The following CALCR variants were observed in gnomAD, a reference collection of about 807,000 sequenced individuals.
CALCR encodes calcitonin receptor.
In CALCR, 47 loss-of-function variants were observed where a neutral mutation model predicts 59.5. That is an observed-to-expected ratio of 0.79 (90% CI 0.63 to 1.01). The LOEUF is 1.01. Among genes scored for constraint, CALCR ranks in the 50% least tolerant of loss-of-function variants. The pLI is 0.00. For missense variants in CALCR, 566 were observed against 597.1 expected, an observed-to-expected ratio of 0.95 and a Z score of 0.54; for synonymous variants, 213 against 211.3, an observed-to-expected ratio of 1.01 and a Z score of -0.07.
chr7:93,493,318 C>T (rs1181224448), intron 2 of CALCR, among the ~76,000 whole-genome samples: 2 of 151,402 alleles, frequency 1.3e-5, no homozygotes, highest in East Asian at 1.9e-4. Flanking sequence ...TTTCTCTGTC[C>T]ATTTTCTTGC....
chr7:93,505,910 A>G (rs1454860450), intron 2 of CALCR, among the ~76,000 whole-genome samples: 2 of 152,136 alleles, frequency 1.3e-5, no homozygotes, highest in South Asian at 2.1e-4. Context: ...CAAAGACTCT[A>G]TTTGCATAAT....
rs1253946309 is a variant in CALCR at position 93,481,510 on chromosome 7, A to G, written c.52-2003T>C. 2.0e-5 allele frequency among the ~76,000 whole-genome samples: 3 copies of G among 150,922 alleles called. 1 individual carries two copies. The highest frequency in any genetic ancestry group is 4.4e-5 in the Non-Finnish European group (3 of 67,726). On this transcript the variant is annotated intron_variant, in intron 3 of 13. Coordinates refer to ENST00000426151, the MANE Select transcript of CALCR (RefSeq NM_001742.4). ...GATAATTAGCCTAGATATTTGGGGA[A>G]AAAAATAGTTCCCAAGAAAGGGAAG...
Position 93,462,140 on chromosome 7 carries a change from G to A in CALCR, c.522-1193C>T, listed in dbSNP as rs1584554814. The A allele has an allele frequency of 2.3e-6, 3 of 1,293,778 alleles. No individual in the cohort carries two copies. In the East Asian group the frequency reaches 7.6e-5, roughly 33 times the overall value. 80.1% of individuals were successfully genotyped at this position (1,293,778 alleles called of 1,614,324 possible). A position where few individuals can be genotyped will look rare whatever the true frequency, so the allele number is the denominator to read the frequency against. On this transcript the variant is annotated intron_variant, in intron 7 of 13. Transcript: ENST00000426151. ...AATAAAAAGCAATTTAAGTAATAAAGGCAGCTGTTAGAGCATATTTTAACT... is the reference window on the plus strand; with the variant it reads ...AATAAAAAGCAATTTAAGTAATAAAAGCAGCTGTTAGAGCATATTTTAACT...
At chr7:93,486,708 C>T (rs1441249339) in intron 3 of CALCR, among the ~76,000 whole-genome samples, 1 of 151,446 alleles carries the variant, frequency 6.6e-6, no homozygotes, top group African/African-American at 2.4e-5. Flanking sequence ...AAACAAAACT[C>T]AAATTTCTGG....
In CALCR at chr7:93,460,813, G is replaced by A; in HGVS notation, c.648+8C>T. 1 of 1,596,254 alleles carries A rather than the reference G, an allele frequency of 6.3e-7. No individual in the cohort carries two copies. The highest frequency in any genetic ancestry group is 1.1e-5 in the South Asian group (1 of 88,244). On this transcript the variant is annotated splice_region_variant and intron_variant, in intron 8 of 13. Coordinates refer to ENST00000426151, the MANE Select transcript of CALCR (RefSeq NM_001742.4). ...ATAAAAGTAAAAACAAAACTATGCA[G>A]TACTTACCGGGTCCCTTCGCACGAG...
At chr7:93,462,814 A>G (rs1352641855) in intron 7 of CALCR, among the ~76,000 whole-genome samples, 1 of 151,466 alleles carries the variant, frequency 6.6e-6, no homozygotes, top group Non-Finnish European at 1.5e-5. Context: ...TACTTCCTCT[A>G]CCTCCAGCTT....
chr7:93,491,716 G>A (rs1182509126), intron 2 of CALCR, among the ~76,000 whole-genome samples: 8 of 151,744 alleles, frequency 5.3e-5, no homozygotes, highest in South Asian at 2.1e-4. Flanking sequence ...ATGTCACACC[G>A]GTCAGAATGG....
intron 2 of CALCR, among the ~76,000 whole-genome samples, chr7:93,502,427 A>G (rs1041317625): frequency 6.6e-6 from 1 of 152,160 alleles, no homozygotes; most frequent in African/African-American, 2.4e-5. Context: ...AAACATGCCC[A>G]TTGAAAATAA....
At chr7:93,533,626 T>A (rs1249776268) in intron 2 of CALCR, among the ~76,000 whole-genome samples, 1 of 151,872 alleles carries the variant, frequency 6.6e-6, no homozygotes, top group Non-Finnish European at 1.5e-5. Context: ...CATTGTTAGA[T>A]GCTTAGACAG....
intron 2 of CALCR, among the ~76,000 whole-genome samples, chr7:93,556,375 G>A (rs902956747): frequency 2.6e-5 from 4 of 152,022 alleles, no homozygotes; most frequent in Non-Finnish European, 5.9e-5. Context: ...GTCTTTAAAT[G>A]TCTTTCACTT....
intron 2 of CALCR, among the ~76,000 whole-genome samples, chr7:93,545,113 G>A (rs991048554): frequency 8.6e-5 from 13 of 152,028 alleles, no homozygotes; most frequent in Admixed American, 7.2e-4. Flanking sequence ...GGAAGGATAA[G>A]GTACTCATGT....
rs1165946693 is a variant in CALCR at position 93,425,501 on chromosome 7, G to A, written c.*855C>T. The A allele has an allele frequency of 2.0e-5, 3 of 150,304 alleles. No homozygotes were observed. The highest frequency in any genetic ancestry group is 4.5e-5 in the Non-Finnish European group (3 of 67,400). The allele number at this position is 150,304 out of a possible 1,614,324, so 9.3% of individuals were successfully genotyped here. On this transcript the variant is annotated 3_prime_UTR_variant, in exon 14 of 14. Transcript: ENST00000426151. The stretch of plus-strand genomic sequence containing the variant: ...TTGCTTTATAAATCCTGGAGTTTAG[G>A]GGAGTGGCAAACTCTCTTTAAAGGG...
Position 93,433,002 on chromosome 7 carries a change from A to G in CALCR, c.1191+1251T>C, listed in dbSNP as rs1297520842. ...GGCCCTTAGTCTAGCCCTTAGCAAT[A>G]GTAAATGCACAATGTATTTTTGTTG... On this transcript the variant is annotated intron_variant, in intron 13 of 13. Coordinates refer to ENST00000426151, the MANE Select transcript of CALCR (RefSeq NM_001742.4). Among the ~76,000 whole-genome samples the G allele has an allele frequency of 2.6e-5, 4 of 152,192 alleles. 1 individual carries two copies. The highest frequency in any genetic ancestry group is 2.1e-4 in the South Asian group (1 of 4,830).
At chr7:93,440,545 C>CTGTGTGTGTGTG (rs71528068) in intron 9 of CALCR, among the ~76,000 whole-genome samples, 1 of 150,260 alleles carries the variant, frequency 6.7e-6, no homozygotes, top group Non-Finnish European at 1.5e-5. Context: ...GTGTGTGTGT[C>CTGTGTGTGTGTG]TGTGTGTGTG....
rs1348318823 is a variant in CALCR, at chr7:93,460,833, C to T, written c.636G>A (p.Val212=). Residue 212 remains valine, a synonymous_variant, in exon 8 of 14, where the codon GTG becomes GTA. Coordinates refer to ENST00000426151, the MANE Select transcript of CALCR (RefSeq NM_001742.4). The part of the protein sequence containing the change: ...LVEVVPNGEL[V]RRDPVSCKIL... Reference sequence around the variant, plus strand: ...ATGCAGTACTTACCGGGTCCCTTCGCACGAGCTCTCCATTGGGTACTACTT... The same window carrying T: ...ATGCAGTACTTACCGGGTCCCTTCGTACGAGCTCTCCATTGGGTACTACTT... 1 of 1,607,522 alleles carries T rather than the reference C, an allele frequency of 6.2e-7. No individual in the cohort carries two copies. Among genetic ancestry groups the T allele is most frequent in the Non-Finnish European group, 8.5e-7 (1 of 1,177,512 alleles).
intron 8 of CALCR, among the ~76,000 whole-genome samples, chr7:93,459,550 A>G (rs73712896): frequency 0.048 from 7,329 of 152,176 alleles, 609 homozygotes; most frequent in African/African-American, 0.17. Flanking sequence ...TGCTTCATCC[A>G]GTAGTTGGCT....
At chr7:93,561,768 C>A (rs956034117) in intron 2 of CALCR, among the ~76,000 whole-genome samples, 3 of 152,044 alleles carry the variant, frequency 2.0e-5, no homozygotes, top group Non-Finnish European at 4.4e-5. Context: ...ATCATTAGAC[C>A]AGATTTGAGA....
chr7:93,536,943 AG>A (rs1217953938), intron 2 of CALCR, among the ~76,000 whole-genome samples: 1 of 151,804 alleles, frequency 6.6e-6, no homozygotes, highest in African/African-American at 2.4e-5. Flanking sequence ...AAAATATTTT[AG>A]GGTAAAGTAG....
chr7:93,524,502 T>C (rs1452799274), intron 2 of CALCR, among the ~76,000 whole-genome samples: 1 of 152,080 alleles, frequency 6.6e-6, no homozygotes, highest in Non-Finnish European at 1.5e-5. Context: ...TCTGGTTTTC[T>C]TTTCCAAGTT....
Sources: gnomAD v4.1 joint callset for allele counts (sites outside exome capture counted in the v4.1 genomes callset) on GRCh38, gnomAD v4.1.1 for gene constraint, MANE v1.5 for transcripts, NCBI Gene and HGNC (gene_info 2026-07-23, HGNC 2026-07-21) for gene names.